The following KIF20B variants were observed in gnomAD, a reference collection of about 807,000 sequenced individuals.
The protein encoded by KIF20B is kinesin-like protein KIF20B.
In KIF20B, 188 loss-of-function variants were observed where a neutral mutation model predicts 232.5. That is an observed-to-expected ratio of 0.81 (90% confidence interval 0.72 to 0.91). The LOEUF (loss-of-function observed/expected upper bound fraction) is 0.91, where lower values mean the gene tolerates loss of function less well. Ranked by LOEUF, KIF20B falls within the 40% of genes least tolerant of loss-of-function variation. The pLI is 0.00. For missense variants in KIF20B, 2,154 were observed against 2,055.9 expected (o/e 1.05, Z -0.92); for synonymous variants, 712 against 683.0 (o/e 1.04, Z -0.66).
chr10:89,703,222 C>T lies in KIF20B; in HGVS notation c.-2+1542C>T, dbSNP rs75648291. 3.2e-3 allele frequency among the ~76,000 whole-genome samples: 492 copies of T among 152,220 alleles called. 4 individuals are homozygous for T. Among genetic ancestry groups the T allele is most frequent in the African/African-American group, 0.011 (451 of 41,526 alleles). On this transcript the variant is annotated intron_variant, in intron 1 of 32. Coordinates refer to ENST00000371728, the MANE Select transcript of KIF20B (RefSeq NM_001284259.2). The stretch of plus-strand genomic sequence containing the variant: ...CTTTAACGTTTTGCAGATGCTCCCC[C>T]CTCTGCACCCCCTTACCCATGATCT...
chr10:89,766,775 C>T (rs10881664), intron 29 of KIF20B, among the ~76,000 whole-genome samples: 47,001 of 151,820 alleles, frequency 0.31, 8,187 homozygotes, highest in African/African-American at 0.46. Flanking sequence ...GAATATTATT[C>T]AGCATAGTTT....
chr10:89,706,278 A>C (rs1358520286), intron 2 of KIF20B, among the ~76,000 whole-genome samples: 1 of 152,134 alleles, frequency 6.6e-6, no homozygotes, highest in Admixed American at 6.5e-5. Context: ...CTTTCTTTGT[A>C]AAGTGTCTCT....
chr10:89,774,012 T>C lies in KIF20B; in HGVS notation c.5427T>C (p.Ile1809=). The C allele has an allele frequency of 6.3e-7, 1 of 1,593,100 alleles. No individual in the cohort carries two copies. The change falls in exon 33 of 33, where the codon ATT becomes ATC. Residue 1809 remains isoleucine, a synonymous_variant. Transcript: ENST00000371728. ...DQKMKESDHQ[I]IKRRLRTKTA... Reference sequence around the variant, plus strand: ...AAATGAAGGAGAGTGATCACCAGATTATCAAACGACGACTTCGAACAAAAA... The same window carrying C: ...AAATGAAGGAGAGTGATCACCAGATCATCAAACGACGACTTCGAACAAAAA...
chr10:89,749,406 T>A (rs1841981336), intron 23 of KIF20B, among the ~76,000 whole-genome samples: 1 of 152,184 alleles, frequency 6.6e-6, no homozygotes, highest in South Asian at 2.1e-4. Flanking sequence ...ATTTACCTTT[T>A]AAAAGTGTAC....
rs138702215 is a variant in KIF20B, at chr10:89,769,904, G to A, written c.5242+1016G>A. ...AGAGTGAGGGGTATAGGGAAGGAAA[G>A]GAACTAGAAGCAGGGGGCAGTTAAA... On this transcript the variant is annotated intron_variant, in intron 31 of 32. Transcript: ENST00000371728. Among the ~76,000 whole-genome samples the A allele has an allele frequency of 1.6e-4, 25 of 152,086 alleles. No individual in the cohort carries two copies. The East Asian group carries it at 4.4e-3, about 27-fold the overall frequency.
At chr10:89,752,483 T>C in intron 24 of KIF20B, 84 bp from the exon 25 acceptor site, 1 of 962,958 alleles carries the variant, frequency 1.0e-6, no homozygotes, top group East Asian at 3.2e-5. Context: ...TACTGATTTG[T>C]GTCTGTAGCC....
intron 1 of KIF20B, among the ~76,000 whole-genome samples, chr10:89,702,390 C>G (rs555371920): frequency 7.2e-5 from 11 of 152,228 alleles, no homozygotes; most frequent in African/African-American, 2.7e-4. Context: ...TGATGCATGT[C>G]TGGCACAGTT....
chr10:89,751,130 A>G (rs532940079), intron 23 of KIF20B, among the ~76,000 whole-genome samples: 4 of 152,248 alleles, frequency 2.6e-5, no homozygotes, highest in African/African-American at 9.6e-5. Context: ...TCATCCAAGC[A>G]TCCATCTTTA....
chr10:89,756,792 C>T (rs1031927947), intron 26 of KIF20B, among the ~76,000 whole-genome samples: 29 of 151,926 alleles, frequency 1.9e-4, no homozygotes, highest in African/African-American at 7.0e-4. Context: ...TTGTACCTGA[C>T]TTCTTTTCAT....
intron 26 of KIF20B, among the ~76,000 whole-genome samples, chr10:89,757,225 T>A (rs952322324): frequency 2.6e-5 from 4 of 151,812 alleles, no homozygotes; most frequent in African/African-American, 9.7e-5. Flanking sequence ...AGTCAGTTTT[T>A]AAAATGGTTT....
chr10:89,730,972 GGTA>G (rs199712028), intron 18 of KIF20B, among the ~76,000 whole-genome samples: 1,945 of 152,186 alleles, frequency 0.013, 19 homozygotes, highest in Middle Eastern at 0.024. Flanking sequence ...TTCGATTTAC[GGTA>G]GTAGTAGTAG....
At chr10:89,767,192 T>C (rs527555291) in intron 29 of KIF20B, among the ~76,000 whole-genome samples, 13 of 151,920 alleles carry the variant, frequency 8.6e-5, no homozygotes, top group African/African-American at 2.9e-4. Flanking sequence ...TCTTTTTTTT[T>C]TTTTTAATTA....
chr10:89,768,251 G>T, intron 29 of KIF20B, 39 bp from the exon 30 acceptor site: 7 of 1,241,444 alleles, frequency 5.6e-6, no homozygotes, highest in South Asian at 1.3e-5. Context: ...ATAAAATATT[G>T]TCAAGAAATT....
chr10:89,739,203 T>C (rs759930134), intron 21 of KIF20B, 107 bp downstream of exon 21: 255 of 1,241,878 alleles, frequency 2.1e-4, no homozygotes, highest in Non-Finnish European at 2.7e-4. Flanking sequence ...TTATCCACTT[T>C]ATAATTTTTC....
At chr10:89,766,051 C>G (rs2133174124) in intron 29 of KIF20B, among the ~76,000 whole-genome samples, 1 of 152,228 alleles carries the variant, frequency 6.6e-6, no homozygotes, top group East Asian at 1.9e-4. Context: ...GTTGGCCTGC[C>G]TTGCTAGATT....
intron 28 of KIF20B, among the ~76,000 whole-genome samples, chr10:89,762,051 G>A (rs977719793): frequency 1.3e-5 from 2 of 152,140 alleles, no homozygotes; most frequent in Non-Finnish European, 2.9e-5. Context: ...CTCTCCCTGT[G>A]GATTGGACCT....
chr10:89,738,882 A>G, intron 20 of KIF20B, 76 bp from the exon 21 acceptor site: 1 of 1,447,244 alleles, frequency 6.9e-7, no homozygotes, highest in Non-Finnish European at 9.3e-7. Flanking sequence ...TTTTGTAAAG[A>G]TTGTTACCAT....
In KIF20B at chr10:89,768,369, C is replaced by A; in HGVS notation, c.5069C>A (p.Ser1690Tyr). The change falls in exon 30 of 33, where the codon TCT becomes TAT. Residue 1690 changes from serine (S) to tyrosine (Y), a missense_variant. By Grantham distance (144) the Ser-to-Tyr change is moderately radical. Coordinates refer to ENST00000371728, the MANE Select transcript of KIF20B (RefSeq NM_001284259.2). ...TTTCCTATTTCAGATGATAGAAATT[C>A]TTCTGTCAAAAAGGAACAAAAGGTG... Reference protein sequence around the residue: ...LKFPISDDRNSSVKKEQKVAI... With the variant: ...LKFPISDDRNYSVKKEQKVAI... 1.9e-6 allele frequency: 3 copies of A among 1,581,416 alleles called. No individual in the cohort carries two copies. The highest frequency in any genetic ancestry group is 2.6e-6 in the Non-Finnish European group (3 of 1,160,592).
chr10:89,729,337 A>G (rs1361108310), intron 18 of KIF20B, 90 bp downstream of exon 18: 1 of 1,197,316 alleles, frequency 8.4e-7, no homozygotes, highest in Admixed American at 3.2e-5. Flanking sequence ...TATGCAACTA[A>G]GACTAATTTA....
Sources: allele counts gnomAD v4.1 joint callset (sites outside exome capture counted in the v4.1 genomes callset), GRCh38; gene constraint gnomAD v4.1.1; transcripts MANE v1.5; gene names NCBI Gene and HGNC (gene_info 2026-07-23, HGNC 2026-07-21).